The following OTOG variants were observed in gnomAD, a reference collection of about 807,000 sequenced individuals.
OTOG encodes the protein otogelin.
OTOG carries 296 observed loss-of-function variants against 313.8 expected under a neutral mutation model. The ratio of observed to expected loss-of-function variants is 0.94; its 90% CI spans 0.86 to 1.04. OTOG has a LOEUF of 1.04. Ranked by LOEUF, OTOG falls within the 50% of genes least tolerant of loss-of-function variation. The pLI, the probability that OTOG is intolerant of heterozygous loss-of-function variation, is 0.00. For synonymous variants in OTOG, 1,533 were observed against 1,554.9 expected, an observed-to-expected ratio of 0.99 and a Z score of 0.33; for missense variants, 3,948 against 3,840.1, an observed-to-expected ratio of 1.03 and a Z score of -0.74.
At chr11:17,607,754 G>A (rs1378267793) in intron 33 of OTOG, among the ~76,000 whole-genome samples, 1 of 152,210 alleles carries the variant, frequency 6.6e-6, no homozygotes, top group Non-Finnish European at 1.5e-5. Flanking sequence ...CTGGGGCTAG[G>A]TGCCCAGGAA....
chr11:17,580,719 G>C (rs1455570571), intron 23 of OTOG, among the ~76,000 whole-genome samples: 1 of 152,208 alleles, frequency 6.6e-6, no homozygotes, highest in Non-Finnish European at 1.5e-5. Context: ...CAATTATGGG[G>C]GAGAGAGGGG....
Position 17,559,142 on chromosome 11 carries a change from G to T in OTOG, c.1194G>T (p.Arg398Ser). The T allele has an allele frequency of 6.5e-7, 1 of 1,539,758 alleles. No homozygotes were observed. Among genetic ancestry groups the T allele is most frequent in the South Asian group, 1.2e-5 (1 of 83,996 alleles). Residue 398 changes from arginine to serine, a missense_variant, in exon 11 of 56, where the codon AGG becomes AGT. Arg to Ser is a moderately radical substitution (Grantham distance 110). Coordinates refer to ENST00000399397, the MANE Select transcript of OTOG (RefSeq NM_001292063.2). ...AQAGRPLQGW[R>S]TQLRQCTVHC... ...CAGGGCGGCCCTTGCAAGGCTGGAG[G>T]ACCCAGCTCCGGCAATGCAGTAGGT...
At chr11:17,548,036 T>A in intron 2 of OTOG, 49 bp downstream of exon 2, 1 of 1,156,360 alleles carries the variant, frequency 8.6e-7, no homozygotes, top group Non-Finnish European at 1.2e-6. Context: ...CCCATCCGTA[T>A]TTCTGGCATC....
rs1487245938 is a variant in OTOG at position 17,574,827 on chromosome 11, G to T, written c.2401G>T (p.Asp801Tyr). ...PEACGVDGGD[D>Y]LSRDECVEGC... ...GGCCTGTGGGGTTGATGGTGGCGAT[G>T]ACCTGAGCAGAGACGAGTGTGTGGA... Residue 801 changes from aspartate to tyrosine, a missense_variant, in exon 20 of 56, where the codon GAC becomes TAC. Coordinates refer to ENST00000399397, the MANE Select transcript of OTOG (RefSeq NM_001292063.2). 1 of 1,550,260 alleles carries T rather than the reference G, an allele frequency of 6.5e-7. No homozygotes were observed. The highest frequency in any genetic ancestry group is 1.4e-5 in the African/African-American group (1 of 73,178).
chr11:17,624,019 A>G (rs1319391904), intron 39 of OTOG, among the ~76,000 whole-genome samples: 1 of 152,000 alleles, frequency 6.6e-6, no homozygotes. Context: ...TTTTCTTATA[A>G]ATTTGTTTAA....
rs1004131940 is a variant in OTOG, at chr11:17,594,070, G to C, written c.3312G>C (p.Gly1104=). The C allele has an allele frequency of 1.9e-6, 3 of 1,550,430 alleles. No individual in the cohort carries two copies. In the African/African-American group the frequency reaches 4.1e-5, roughly 21 times the overall value. ...AGGGCCAGCTGGCGGGCCTCTGTGG[G>C]AACTTTGACTTAAAAACCATCAATG... ...QWQGQLAGLC[G]NFDLKTINEM... The change falls in exon 28 of 56, where the codon GGG becomes GGC. Residue 1104 remains glycine, a synonymous_variant. Transcript: ENST00000399397.
intron 23 of OTOG, 31 bp downstream of exon 23, chr11:17,578,557 T>C (rs1565101307): frequency 6.7e-7 from 1 of 1,494,584 alleles, no homozygotes; most frequent in Non-Finnish European, 8.9e-7. Context: ...GGGCCCGTGA[T>C]CCTGAAGGCT....
At chr11:17,604,976 A>T (rs1348252615) in intron 32 of OTOG, among the ~76,000 whole-genome samples, 1 of 152,220 alleles carries the variant, frequency 6.6e-6, no homozygotes, top group Non-Finnish European at 1.5e-5. Flanking sequence ...CTGGGGACAC[A>T]GGGGACACAT....
At chr11:17,570,170 A>G (rs752997565) in intron 16 of OTOG, 43 bp from the exon 17 acceptor site, 1 of 1,515,222 alleles carries the variant, frequency 6.6e-7, no homozygotes, top group South Asian at 1.2e-5. Flanking sequence ...CGGGGTGTGT[A>G]CTGGCTGCCC....
chr11:17,622,735 T>G (rs1282742931), intron 39 of OTOG, among the ~76,000 whole-genome samples: 1 of 152,268 alleles, frequency 6.6e-6, no homozygotes, highest in African/African-American at 2.4e-5. Context: ...TACCACATTT[T>G]CTTTATCCAT....
Position 17,574,814 on chromosome 11 carries a change from T to G in OTOG, c.2388T>G (p.Val796=), listed in dbSNP as rs1219928954. Residue 796 remains valine (V), a synonymous_variant, in exon 20 of 56, where the codon GTT becomes GTG. Coordinates refer to ENST00000399397, the MANE Select transcript of OTOG (RefSeq NM_001292063.2). ...TGGCCAGCCCTGAGGCCTGTGGGGT[T>G]GATGGTGGCGATGACCTGAGCAGAG... ...QDLASPEACG[V]DGGDDLSRDE... The G allele has an allele frequency of 6.4e-7, 1 of 1,550,538 alleles. No individual in the cohort carries two copies. The highest frequency in any genetic ancestry group is 2.4e-5 in the East Asian group (1 of 40,910).
rs566528494 is a variant in OTOG, at chr11:17,634,886, G to A, written c.7523G>A (p.Arg2508His). 4.8e-5 allele frequency: 69 copies of A among 1,428,560 alleles called. 1 individual carries two copies. Among genetic ancestry groups the A allele is most frequent in the Middle Eastern group, 2.1e-4 (1 of 4,832 alleles). 88.5% of individuals were successfully genotyped at this position (1,428,560 alleles called of 1,614,324 possible). The stretch of plus-strand genomic sequence containing the variant: ...TGTGAGGGTCTCGCCCCCACATGCC[G>A]CCCAGGCCACCGCCTCCTCACCCAC... ...TLCEGLAPTC[R>H]PGHRLLTHFQ... The change falls in exon 45 of 56, where the codon CGC becomes CAC. Residue 2508 changes from arginine to histidine, a missense_variant. Arg to His is a conservative substitution (Grantham distance 29). Coordinates refer to ENST00000399397, the MANE Select transcript of OTOG (RefSeq NM_001292063.2).
At chr11:17,548,416 C>CTTTTTTTTTTTTT (rs1565085438) in intron 3 of OTOG, among the ~76,000 whole-genome samples, 3 of 89,600 alleles carry the variant, frequency 3.3e-5, no homozygotes, top group Admixed American at 1.4e-4. Flanking sequence ...CTATAGTCCA[C>CTTTTTTTTTTTTT]TCTTTTTTTT....
chr11:17,588,474 C>A (rs542396878), intron 24 of OTOG, among the ~76,000 whole-genome samples: 1 of 152,116 alleles, frequency 6.6e-6, no homozygotes, highest in South Asian at 2.1e-4. Context: ...GTATTTCCAG[C>A]AGTTATGCAT....
Position 17,561,796 on chromosome 11 carries a change from C to A in OTOG, c.1633C>A (p.Pro545Thr). The A allele has an allele frequency of 1.3e-6, 2 of 1,550,372 alleles. No individual in the cohort carries two copies. Among genetic ancestry groups the A allele is most frequent in the Non-Finnish European group, 1.7e-6 (2 of 1,146,942 alleles). The change falls in exon 15 of 56, where the codon CCA (proline) becomes ACA (threonine). Residue 545 changes from proline to threonine, a missense_variant. Transcript: ENST00000399397. Reference protein sequence around the residue: ...GTFTVTLQNAPCGLNQDGACV... With the variant: ...GTFTVTLQNATCGLNQDGACV... ...CTTCACCGTGACATTGCAGAATGCCCCATGTGGCCTGGTAAGAGCTGGGGA... is the reference window on the plus strand; with the variant it reads ...CTTCACCGTGACATTGCAGAATGCCACATGTGGCCTGGTAAGAGCTGGGGA...
chr11:17,628,190 G>A (rs1427982115), intron 39 of OTOG, among the ~76,000 whole-genome samples: 1 of 151,856 alleles, frequency 6.6e-6, no homozygotes, highest in Non-Finnish European at 1.5e-5. Context: ...TTTGATATAG[G>A]CACTGATAGC....
chr11:17,576,580 G>T lies in OTOG; in HGVS notation c.2511G>T (p.Gln837His), dbSNP rs1457803592. Residue 837 changes from glutamine (Q) to histidine (H), a missense_variant, in exon 21 of 56, where the codon CAG becomes CAT. Physicochemically the swap from Gln to His is conservative, Grantham distance 24. Coordinates refer to ENST00000399397, the MANE Select transcript of OTOG (RefSeq NM_001292063.2). ...VPRNQCSCHFQGVDYPPGDSD... is the reference protein window; with the variant it reads ...VPRNQCSCHFHGVDYPPGDSD... ...GGAACCAGTGCTCCTGCCACTTCCA[G>T]GGAGTGGACTATCCCCCCGGAGACA... 6.4e-7 allele frequency: 1 copy of T among 1,550,468 alleles called. No individual in the cohort carries two copies. The highest frequency in any genetic ancestry group is 1.4e-5 in the African/African-American group (1 of 73,024).
At chr11:17,561,895 G>C in intron 15 of OTOG, 88 bp downstream of exon 15, 1 of 1,486,846 alleles carries the variant, frequency 6.7e-7, no homozygotes, top group Non-Finnish European at 9.1e-7. Flanking sequence ...ACAGGGCTCA[G>C]GTCTTCCCAT....
In OTOG at chr11:17,577,973, T is replaced by C. The variant is rs552056947; in HGVS notation, c.2606-400T>C. ...TGATTGGTCATCCTCTTTCTAGCCC[T>C]GCTCCTGGTCCCTCTGGGGCACTTC... On this transcript the variant is annotated intron_variant, in intron 22 of 55. Coordinates refer to ENST00000399397, the MANE Select transcript of OTOG (RefSeq NM_001292063.2). 2.6e-5 allele frequency among the ~76,000 whole-genome samples: 4 copies of C among 152,312 alleles called. No individual in the cohort carries two copies. The South Asian group carries it at 6.2e-4, about 24-fold the overall frequency.
Sources: allele counts gnomAD v4.1 joint callset (sites outside exome capture counted in the v4.1 genomes callset), GRCh38; gene constraint gnomAD v4.1.1; transcripts MANE v1.5; gene names NCBI Gene and HGNC (gene_info 2026-07-23, HGNC 2026-07-21).